NECAP2: variants seen among roughly 807,000 people sequenced by gnomAD.
NECAP2 encodes the protein NECAP endocytosis associated 2, also known as adaptin ear-binding coat-associated protein 2.
In NECAP2, 38 loss-of-function variants were observed where a neutral mutation model predicts 37.8. The ratio of observed to expected loss-of-function variants is 1.01; its 90% confidence interval spans 0.78 to 1.32. NECAP2 has a LOEUF of 1.32. NECAP2 is among the 40% of genes most tolerant of loss of function. The pLI, the probability that NECAP2 is intolerant of heterozygous loss-of-function variation, is 0.00. For missense variants in NECAP2, 316 were observed against 334.5 expected, an observed-to-expected ratio of 0.94 and a Z score of 0.43; for synonymous variants, 121 against 127.7, an observed-to-expected ratio of 0.95 and a Z score of 0.35.
At chr1:16,447,743 G>C in intron 2 of NECAP2, 127 bp from the exon 3 acceptor site, 1 of 720,490 alleles carries the variant, frequency 1.4e-6, no homozygotes, top group Non-Finnish European at 2.5e-6. Flanking sequence ...GAATCCCACA[G>C]TAAGGTTTGC....
chr1:16,452,814 C>G lies in NECAP2; in HGVS notation c.667+799C>G, dbSNP rs1570270028. On this transcript the variant is annotated intron_variant, in intron 6 of 7. Transcript: ENST00000337132. ...CCCAGCCCAGCTTGATGCTCCTGGC[C>G]TTCCCCAGGCTGGGCGATTGTCACC... Among the ~76,000 whole-genome samples the G allele has an allele frequency of 1.3e-5, 2 of 152,004 alleles. 1 individual carries two copies. Among genetic ancestry groups the G allele is most frequent in the Non-Finnish European group, 2.9e-5 (2 of 67,928 alleles).
At chr1:16,456,024 CTTTTTT>C in intron 7 of NECAP2, 131 bp downstream of exon 7, 3 of 477,852 alleles carry the variant, frequency 6.3e-6, no homozygotes, top group Admixed American at 3.5e-5. Flanking sequence ...GTTTTCTTTT[CTTTTTT>C]TTTTTTTTTT....
At chr1:16,456,845 G>A (rs2086927911) in intron 7 of NECAP2, among the ~76,000 whole-genome samples, 1 of 152,126 alleles carries the variant, frequency 6.6e-6, no homozygotes, top group African/African-American at 2.4e-5. Context: ...GGCTCTACAG[G>A]TGCACATCAC....
chr1:16,453,786 C>A (rs982543288), intron 6 of NECAP2, among the ~76,000 whole-genome samples: 1 of 152,040 alleles, frequency 6.6e-6, no homozygotes, highest in Non-Finnish European at 1.5e-5. Flanking sequence ...CGTGCCTGGC[C>A]TTGCTGATGC....
rs762943001 is a variant in NECAP2 at position 16,449,187 on chromosome 1, A to G, written c.475A>G (p.Lys159Glu). ...GGGCTTCAAGGAGGGCCAGACCATC[A>G]AGCTCAACATCGCAGTGAGTTCTAC... ...DLGFKEGQTI[K>E]LNIANMKKKE... Residue 159 changes from lysine to glutamate, a missense_variant, in exon 5 of 8, where the codon AAG (lysine) becomes GAG (glutamate). Around this residue, in one of 3 missense-constraint regions of NECAP2, gnomAD observed 204 missense variants for 188.6 expected, o/e 1.08. Transcript: ENST00000337132. The G allele has an allele frequency of 6.2e-7, 1 of 1,611,490 alleles. No homozygotes were observed. Among genetic ancestry groups the G allele is most frequent in the Non-Finnish European group, 8.5e-7 (1 of 1,178,618 alleles).
At position 16,447,961 on chromosome 1, in the gene NECAP2, C is replaced by G; in HGVS notation, c.285C>G (p.Ile95Met). ...CCAGCAGGTACTTCGTGATCCGCATCGAAGATGGAAATGGTAGGCATGGGT... is the reference window on the plus strand; with the variant it reads ...CCAGCAGGTACTTCGTGATCCGCATGGAAGATGGAAATGGTAGGCATGGGT... Reference protein sequence around the residue: ...TDSSRYFVIRIEDGNGRRAFI... With the variant: ...TDSSRYFVIRMEDGNGRRAFI... Residue 95 changes from isoleucine (I) to methionine (M), a missense_variant, in exon 3 of 8, where the codon ATC becomes ATG. Coordinates refer to ENST00000337132, the MANE Select transcript of NECAP2 (RefSeq NM_018090.5). 6.2e-7 allele frequency: 1 copy of G among 1,614,108 alleles called. No homozygotes were observed.
intron 2 of NECAP2, among the ~76,000 whole-genome samples, chr1:16,447,568 A>G (rs2086781941): frequency 6.6e-6 from 1 of 152,170 alleles, no homozygotes; most frequent in East Asian, 1.9e-4. Flanking sequence ...GCTCCAACTT[A>G]TTCTCAGGTG....
chr1:16,452,611 T>G (rs758365000), intron 6 of NECAP2, among the ~76,000 whole-genome samples: 4 of 152,078 alleles, frequency 2.6e-5, no homozygotes, highest in Non-Finnish European at 4.4e-5. Flanking sequence ...AGATTTCGTT[T>G]GGAGTGAGCA....
intron 2 of NECAP2, among the ~76,000 whole-genome samples, chr1:16,446,162 C>T (rs918593317): frequency 1.5e-4 from 23 of 152,258 alleles, no homozygotes; most frequent in Middle Eastern, 3.4e-3. Context: ...GAGCCGAGAT[C>T]GTGCCGTTGC....
At chr1:16,458,067 C>T (rs991167242) in intron 7 of NECAP2, among the ~76,000 whole-genome samples, 4 of 152,130 alleles carry the variant, frequency 2.6e-5, no homozygotes, top group African/African-American at 9.7e-5. Context: ...ACGCAGCATT[C>T]TTACATGTGA....
intron 7 of NECAP2, 128 bp from the exon 8 acceptor site, chr1:16,458,714 C>A: frequency 1.1e-6 from 1 of 911,920 alleles, no homozygotes; most frequent in Non-Finnish European, 1.7e-6. Flanking sequence ...AGTTTGCTGA[C>A]TGCTGCTCTA....
chr1:16,445,118 C>T (rs937164335), intron 2 of NECAP2, among the ~76,000 whole-genome samples: 9 of 152,230 alleles, frequency 5.9e-5, no homozygotes, highest in Non-Finnish European at 1.3e-4. Context: ...GCCACTGTGC[C>T]CAGCCAGCTG....
chr1:16,448,301 A>C (rs1442794607), intron 4 of NECAP2, 160 bp downstream of exon 4: 1 of 717,736 alleles, frequency 1.4e-6, no homozygotes, highest in East Asian at 2.5e-5. Context: ...GCCAATGTTC[A>C]TCTCTGCTGT....
intron 7 of NECAP2, among the ~76,000 whole-genome samples, chr1:16,458,587 TCAAAAAAAAAA>T (rs2086963204): frequency 6.9e-6 from 1 of 145,702 alleles, no homozygotes; most frequent in Admixed American, 6.9e-5. Context: ...AGACCCTGTC[TCAAAAAAAAAA>T]CAAAACAAAA....
At chr1:16,443,284 G>C (rs2086715042) in intron 1 of NECAP2, among the ~76,000 whole-genome samples, 2 of 152,162 alleles carry the variant, frequency 1.3e-5, no homozygotes, top group South Asian at 4.1e-4. Context: ...TTTTTTAAAT[G>C]GTTTGGAAAA....
intron 2 of NECAP2, among the ~76,000 whole-genome samples, chr1:16,444,671 T>G (rs2086734837): frequency 6.6e-6 from 1 of 152,184 alleles, no homozygotes; most frequent in South Asian, 2.1e-4. Flanking sequence ...CTTCGGGAAC[T>G]TGGGTACTGG....
chr1:16,452,970 G>C (rs1016208008), intron 6 of NECAP2, among the ~76,000 whole-genome samples: 1 of 152,220 alleles, frequency 6.6e-6, no homozygotes, highest in Non-Finnish European at 1.5e-5. Flanking sequence ...CCTGTGGGGA[G>C]AGTGGCAGGA....
At position 16,451,956 on chromosome 1, in the gene NECAP2, CT is replaced by C; in HGVS notation, c.609del (p.Glu205SerfsTer95). The C allele has an allele frequency of 1.2e-6, 2 of 1,612,536 alleles. No individual in the cohort carries two copies. Among genetic ancestry groups the C allele is most frequent in the Non-Finnish European group, 1.7e-6 (2 of 1,179,134 alleles). ...AAAACCTCCACCCTGATCCCTCCCC[CT>C]GGGGAGCAGTTGGCTGTGGGGGGAT... ...GGKTSTLIPP[P>X]GEQLAVGGSL... is the part of the protein sequence containing the mutation. On this transcript the variant is annotated frameshift_variant, in exon 6 of 8. Transcript: ENST00000337132. LOFTEE classifies it high-confidence loss of function.
chr1:16,443,583 C>A, intron 1 of NECAP2, 49 bp from the exon 2 acceptor site: 1 of 1,408,836 alleles, frequency 7.1e-7, no homozygotes, highest in Admixed American at 1.9e-5. Context: ...GCATTGGGGT[C>A]ACACAGCAGG....
Sources: allele counts gnomAD v4.1 joint callset (sites outside exome capture counted in the v4.1 genomes callset), GRCh38; gene constraint gnomAD v4.1.1; regional missense constraint gnomAD v4.1.1; transcripts MANE v1.5; gene names NCBI Gene and HGNC (gene_info 2026-07-23, HGNC 2026-07-21).